ARFGEF1: variants seen among roughly 807,000 people sequenced by gnomAD.
The protein encoded by ARFGEF1 is brefeldin A-inhibited guanine nucleotide-exchange protein 1.
ARFGEF1 carries 42 observed loss-of-function variants against 231.0 expected under a neutral mutation model. The ratio of observed to expected loss-of-function variants is 0.18; its 90% CI spans 0.14 to 0.24. The LOEUF (loss-of-function observed/expected upper bound fraction) is 0.24. ARFGEF1 is among the 10% of genes least tolerant of loss of function. The pLI, the probability that ARFGEF1 is intolerant of heterozygous loss-of-function variation, is 1.00. For synonymous variants in ARFGEF1, 710 were observed against 732.3 expected (o/e 0.97, Z 0.49); for missense variants, 1,345 against 2,192.0 (o/e 0.61, Z 7.72).
intron 7 of ARFGEF1, among the ~76,000 whole-genome samples, chr8:67,286,818 T>C (rs1189638138): frequency 6.6e-6 from 1 of 152,216 alleles, no homozygotes; most frequent in African/African-American, 2.4e-5. Flanking sequence ...CTCCCATCTA[T>C]AGCACCTGCC....
intron 1 of ARFGEF1, among the ~76,000 whole-genome samples, chr8:67,337,357 A>C (rs1441889526): frequency 6.6e-6 from 1 of 152,166 alleles, no homozygotes; most frequent in Non-Finnish European, 1.5e-5. Context: ...TCTACCCTGA[A>C]GCTCTGGCTA....
intron 22 of ARFGEF1, among the ~76,000 whole-genome samples, chr8:67,234,705 G>A (rs1047893656): frequency 7.9e-5 from 12 of 152,096 alleles, no homozygotes; most frequent in African/African-American, 1.9e-4. Context: ...ACAGGGATCC[G>A]TTAGGTCTTT....
chr8:67,343,574 T>C lies in ARFGEF1; in HGVS notation c.-287A>G. ...CCGGGGGTCGCGTCCCGGCCGCCCCTCTCACTCGTCCCTCCGGCCCTGGTG... is the reference window on the plus strand; with the variant it reads ...CCGGGGGTCGCGTCCCGGCCGCCCCCCTCACTCGTCCCTCCGGCCCTGGTG... On this transcript the variant is annotated 5_prime_UTR_variant, in exon 1 of 39. Coordinates refer to ENST00000262215, the MANE Select transcript of ARFGEF1 (RefSeq NM_006421.5). The C allele has an allele frequency of 9.0e-7, 1 of 1,112,108 alleles. No homozygotes were observed. The highest frequency in any genetic ancestry group is 5.7e-5 in the East Asian group (1 of 17,680). 68.9% of individuals were successfully genotyped at this position (1,112,108 alleles called of 1,614,324 possible).
intron 34 of ARFGEF1, among the ~76,000 whole-genome samples, chr8:67,209,856 A>G (rs1212321411): frequency 1.3e-5 from 2 of 152,038 alleles, no homozygotes; most frequent in Non-Finnish European, 1.5e-5. Flanking sequence ...TGCTCCTTAA[A>G]AAGTAGGGTG....
At position 67,302,422 on chromosome 8, in the gene ARFGEF1, G is replaced by T; in HGVS notation, c.155+14C>A. On this transcript the variant is annotated intron_variant, in intron 2 of 38. Transcript: ENST00000262215. Reference sequence around the variant, plus strand: ...TGAAAATTATTTTTACTAAAGAAAAGAAATCCCACAAACCTCTGTTTTTCA... The same window carrying T: ...TGAAAATTATTTTTACTAAAGAAAATAAATCCCACAAACCTCTGTTTTTCA... 1 of 1,560,750 alleles carries T rather than the reference G, an allele frequency of 6.4e-7. No individual in the cohort carries two copies. Among genetic ancestry groups the T allele is most frequent in the South Asian group, 1.2e-5 (1 of 80,788 alleles).
chr8:67,210,060 CAGG>C (rs1381411600), intron 34 of ARFGEF1, among the ~76,000 whole-genome samples: 11 of 141,646 alleles, frequency 7.8e-5, no homozygotes, highest in African/African-American at 2.9e-4. Flanking sequence ...GAGGCTGAGG[CAGG>C]AGAATGGCGT....
chr8:67,282,649 C>T (rs887661996), intron 7 of ARFGEF1, among the ~76,000 whole-genome samples: 1 of 151,794 alleles, frequency 6.6e-6, no homozygotes, highest in Non-Finnish European at 1.5e-5. Context: ...AGTTCAAGAC[C>T]AGCCTGGCCA....
chr8:67,315,857 C>T (rs1194438969), intron 1 of ARFGEF1, among the ~76,000 whole-genome samples: 2 of 151,778 alleles, frequency 1.3e-5, no homozygotes, highest in Non-Finnish European at 1.5e-5. Flanking sequence ...GGGAGACTTA[C>T]AGCACTTAAT....
intron 6 of ARFGEF1, among the ~76,000 whole-genome samples, chr8:67,289,078 T>C (rs137991654): frequency 3.5e-4 from 53 of 151,994 alleles, no homozygotes; most frequent in African/African-American, 9.9e-4. Context: ...CAGAGAAAAA[T>C]AGGAATTCCA....
chr8:67,328,965 C>T (rs1269921899), intron 1 of ARFGEF1, among the ~76,000 whole-genome samples: 2 of 152,190 alleles, frequency 1.3e-5, no homozygotes, highest in African/African-American at 4.8e-5. Flanking sequence ...GTAGCCTACA[C>T]CTGTATAATC....
At chr8:67,179,227 A>T (rs944545868) in intron 5 of ARFGEF1, among the ~76,000 whole-genome samples, 32 of 152,274 alleles carry the variant, frequency 2.1e-4, no homozygotes, top group African/African-American at 6.7e-4. Flanking sequence ...GGAGCTCATT[A>T]TAATAAGCCC....
intron 14 of ARFGEF1, among the ~76,000 whole-genome samples, chr8:67,262,855 A>T (rs981170488): frequency 1.3e-5 from 2 of 152,246 alleles, no homozygotes; most frequent in Non-Finnish European, 2.9e-5. Flanking sequence ...ATAGGTTAAT[A>T]GACTATGGTA....
downstream of ARFGEF1, among the ~76,000 whole-genome samples, chr8:67,192,811 T>C (rs1370903263): frequency 1.3e-5 from 2 of 151,464 alleles, no homozygotes; most frequent in Non-Finnish European, 3.0e-5. Context: ...AACGTAAGGA[T>C]TTATTTCTAT....
At position 67,209,949 on chromosome 8, in the gene ARFGEF1, G is replaced by A. The variant is rs548660059; in HGVS notation, c.4819+1534C>T. On this transcript the variant is annotated intron_variant, in intron 34 of 38. Transcript: ENST00000262215. ...GGGTGGATCACGAGGTCAGGAGATC[G>A]AGACCACCCTGACTACCGTGGTGAA... Among the ~76,000 whole-genome samples the A allele has an allele frequency of 2.0e-4, 31 of 151,978 alleles. No homozygotes were observed. In the South Asian group the frequency reaches 3.5e-3, roughly 17 times the overall value.
At chr8:67,311,005 G>A (rs13270974) in intron 1 of ARFGEF1, among the ~76,000 whole-genome samples, 37,498 of 138,986 alleles carry the variant, frequency 0.27, 4,721 homozygotes, top group East Asian at 0.36. Context: ...CCCCCCGCCC[G>A]GCCAGCCGCC....
At chr8:67,304,658 G>C (rs1405422031) in intron 1 of ARFGEF1, among the ~76,000 whole-genome samples, 1 of 152,106 alleles carries the variant, frequency 6.6e-6, no homozygotes, top group Non-Finnish European at 1.5e-5. Flanking sequence ...GAAACCCCAT[G>C]AAATACAAAT....
intron 14 of ARFGEF1, among the ~76,000 whole-genome samples, chr8:67,265,179 G>A (rs57877060): frequency 0.029 from 4,344 of 152,164 alleles, 229 homozygotes; most frequent in African/African-American, 0.099. Flanking sequence ...GTAAGATTTT[G>A]TAATTTTAAA....
chr8:67,306,677 T>C (rs967189946), intron 1 of ARFGEF1, among the ~76,000 whole-genome samples: 6 of 152,234 alleles, frequency 3.9e-5, no homozygotes, highest in African/African-American at 1.4e-4. Flanking sequence ...TTTTGTCTTA[T>C]ATATAGTATA....
downstream of ARFGEF1, chr8:67,174,767 G>GAA (rs370370213): frequency 2.4e-4 from 24 of 98,524 alleles, no homozygotes; most frequent in Non-Finnish European, 3.3e-4. Context: ...TCCGTCTCAA[G>GAA]AAAAAAAAAA....
Sources: gnomAD v4.1 joint callset for allele counts (sites outside exome capture counted in the v4.1 genomes callset) on GRCh38, gnomAD v4.1.1 for gene constraint, MANE v1.5 for transcripts, NCBI Gene and HGNC (gene_info 2026-07-23, HGNC 2026-07-21) for gene names.